The following JPH3 variants were observed in gnomAD, a reference collection of about 807,000 sequenced individuals.
The protein encoded by JPH3 is junctophilin 3.
Under a neutral mutation model 59.6 loss-of-function variants are expected in JPH3, and 11 were observed. That is an observed-to-expected ratio of 0.18 (90% CI 0.12 to 0.31). The LOEUF is 0.31. JPH3 is among the 10% of genes least tolerant of loss of function. The probability of loss-of-function intolerance (pLI) is 1.00; values close to 1 mark genes in which losing one functional copy is unlikely to be tolerated. For synonymous variants in JPH3, 673 were observed against 483.6 expected (o/e 1.39, Z -5.14); for missense variants, 1,202 against 1,105.7 (o/e 1.09, Z -1.24).
At chr16:87,692,900 C>G (rs907279659) in intron 4 of JPH3, among the ~76,000 whole-genome samples, 1 of 152,216 alleles carries the variant, frequency 6.6e-6, no homozygotes, top group Admixed American at 6.5e-5. Flanking sequence ...GTGCCACTGA[C>G]CACCCCACTC....
At chr16:87,689,500 C>CCCCT (rs79340795) in intron 3 of JPH3, 146 bp from the exon 4 acceptor site, 140,770 of 847,538 alleles carry the variant, frequency 0.17, 13,702 homozygotes, top group East Asian at 0.3. Context: ...GGTCCCCACT[C>CCCCT]CCCTCCCTTG....
intron 1 of JPH3, among the ~76,000 whole-genome samples, chr16:87,606,188 G>C (rs1243023172): frequency 6.6e-6 from 1 of 152,218 alleles, no homozygotes; most frequent in East Asian, 1.9e-4. Flanking sequence ...TCGCAGTGAG[G>C]AAGGAGTTAA....
At position 87,695,208 on chromosome 16, in the gene JPH3, T is replaced by A. The variant is rs553221453; in HGVS notation, c.2167-1372T>A. 14 of 419,250 alleles carry A rather than the reference T, an allele frequency of 3.3e-5. 2 individuals are homozygous for A. The highest frequency in any genetic ancestry group is 2.8e-4 in the African/African-American group (14 of 49,520). The allele number at this position is 419,250 out of a possible 1,614,324, so 26.0% of individuals were successfully genotyped here. On this transcript the variant is annotated intron_variant, in intron 4 of 4. Transcript: ENST00000284262. ...CGGGCTCCCCTCCTTAATGCAGGCC[T>A]GAGCAGCCCTCACCTGGTGCCACAT... is the stretch of plus-strand genomic sequence containing the variant.
chr16:87,608,649 C>T (rs1263147022), intron 1 of JPH3, among the ~76,000 whole-genome samples: 1 of 152,206 alleles, frequency 6.6e-6, no homozygotes, highest in Non-Finnish European at 1.5e-5. Context: ...GCTGGACTCA[C>T]TTTCGCTCTA....
At chr16:87,669,656 G>T (rs1263272014) in intron 2 of JPH3, among the ~76,000 whole-genome samples, 3 of 152,206 alleles carry the variant, frequency 2.0e-5, no homozygotes, top group East Asian at 3.9e-4. Flanking sequence ...CCTGGCGTGT[G>T]GGGTGGAGGC....
intron 2 of JPH3, among the ~76,000 whole-genome samples, chr16:87,678,368 G>A (rs2033202239): frequency 1.3e-5 from 2 of 152,102 alleles, no homozygotes; most frequent in African/African-American, 4.8e-5. Context: ...ACAAAACCCT[G>A]TCTCTACTAA....
chr16:87,651,970 T>C (rs1171309198), intron 2 of JPH3, among the ~76,000 whole-genome samples: 1 of 147,860 alleles, frequency 6.8e-6, no homozygotes, highest in Non-Finnish European at 1.5e-5. Flanking sequence ...AACATTGTTG[T>C]CGTTTTTTTT....
intron 1 of JPH3, among the ~76,000 whole-genome samples, chr16:87,629,713 C>T (rs1567588883): frequency 1.3e-5 from 2 of 151,738 alleles, no homozygotes; most frequent in South Asian, 2.1e-4. Flanking sequence ...AGGCGGAGCC[C>T]GGGGGATTTG....
rs530460864 is a variant in JPH3, at chr16:87,694,848, C to T, written c.2167-1732C>T. On this transcript the variant is annotated intron_variant, in intron 4 of 4. Coordinates refer to ENST00000284262, the MANE Select transcript of JPH3 (RefSeq NM_020655.4). The stretch of plus-strand genomic sequence containing the variant: ...TCCCCCAGCTCCCGGACTCTGCTTT[C>T]TGCCTGGTGCCCAGCTTCTCACGCA... 15 of 187,850 alleles carry T rather than the reference C, an allele frequency of 8.0e-5. No homozygotes were observed. The South Asian group carries it at 1.6e-3, about 20-fold the overall frequency. The allele number at this position is 187,850 out of a possible 1,614,324, so 11.6% of individuals were successfully genotyped here.
chr16:87,607,289 C>T (rs951718285), intron 1 of JPH3, among the ~76,000 whole-genome samples: 1 of 152,134 alleles, frequency 6.6e-6, no homozygotes, highest in African/African-American at 2.4e-5. Context: ...CGAAAGTTAC[C>T]CCCTCCAATA....
chr16:87,632,126 G>A (rs541531064), intron 1 of JPH3, among the ~76,000 whole-genome samples: 50 of 152,242 alleles, frequency 3.3e-4, no homozygotes, highest in Admixed American at 2.0e-4. Flanking sequence ...GGCAGCCTTC[G>A]CTTCTGGCTA....
At chr16:87,613,688 C>G (rs938182449) in intron 1 of JPH3, among the ~76,000 whole-genome samples, 3 of 152,146 alleles carry the variant, frequency 2.0e-5, no homozygotes, top group Non-Finnish European at 4.4e-5. Context: ...GAACCTGAAG[C>G]TATAGAGGGC....
Position 87,685,334 on chromosome 16 carries a change from C to A in JPH3, c.1285+1068C>A, listed in dbSNP as rs1440298106. Among the ~76,000 whole-genome samples the A allele has an allele frequency of 2.0e-5, 3 of 152,240 alleles. No homozygotes were observed. In the East Asian group the frequency reaches 5.8e-4, roughly 29 times the overall value. On this transcript the variant is annotated intron_variant, in intron 3 of 4. Coordinates refer to ENST00000284262, the MANE Select transcript of JPH3 (RefSeq NM_020655.4). ...TGGGCAGCTTCTATTCCACTGCGTC[C>A]CCTCCACTCTCCTGGCCCCTCCAGA...
In JPH3 at chr16:87,680,644, C is replaced by G. The variant is rs550997037; in HGVS notation, c.1161-3498C>G. Among the ~76,000 whole-genome samples, 30 of 152,170 alleles carry G rather than the reference C, an allele frequency of 2.0e-4. No individual in the cohort carries two copies. In the South Asian group the frequency reaches 6.0e-3, roughly 31 times the overall value. ...AGCTCAGATGCCCTCCCTGCCTGTG[C>G]CACCGTGGCCTGACCCTCCACAGGT... On this transcript the variant is annotated intron_variant, in intron 2 of 4. Coordinates refer to ENST00000284262, the MANE Select transcript of JPH3 (RefSeq NM_020655.4).
At chr16:87,645,287 A>G (rs2032108818) in intron 2 of JPH3, among the ~76,000 whole-genome samples, 1 of 152,162 alleles carries the variant, frequency 6.6e-6, no homozygotes, top group African/African-American at 2.4e-5. Context: ...CCTTAAACTG[A>G]GCAGTGTCTC....
In JPH3 at chr16:87,690,227, A is replaced by G. The variant is rs1337472821; in HGVS notation, c.1867A>G (p.Thr623Ala). 1 of 1,604,584 alleles carries G rather than the reference A, an allele frequency of 6.2e-7. No homozygotes were observed. ...GATGAAACCCTTGCTGAGGATGGAG[A>G]CGCATCCCCAGAAAAGACGCTACAG... ...MEMKPLLRMETHPQKRRYSKG... is the reference protein window; with the variant it reads ...MEMKPLLRMEAHPQKRRYSKG... Residue 623 changes from threonine to alanine, a missense_variant, in exon 4 of 5, where the codon ACG (threonine) becomes GCG (alanine). Transcript: ENST00000284262.
intron 1 of JPH3, chr16:87,604,504 C>T: frequency 3.8e-6 from 5 of 1,309,770 alleles, no homozygotes; most frequent in South Asian, 2.8e-5. Flanking sequence ...GGGAGCTTAT[C>T]CTCAGAGGCA....
rs1038089869 is a variant in JPH3, at chr16:87,697,848, C to CATCA, written c.*1189_*1192dup. The CATCA allele has an allele frequency of 6.6e-6, 1 of 152,366 alleles. No homozygotes were observed. The highest frequency in any genetic ancestry group is 2.1e-4 in the South Asian group (1 of 4,832). 9.4% of individuals were successfully genotyped at this position (152,366 alleles called of 1,614,324 possible). On this transcript the variant is annotated 3_prime_UTR_variant, in exon 5 of 5. Transcript: ENST00000284262. Reference sequence around the variant, plus strand: ...TCTGCCTTCTCCACCAGGGTCGCTCCATCACCCAAACAAAAGAACAAGGTT... The same window carrying CATCA: ...TCTGCCTTCTCCACCAGGGTCGCTCCATCAATCACCCAAACAAAAGAACAAGGTT...
chr16:87,680,916 G>C (rs985202585), intron 2 of JPH3, among the ~76,000 whole-genome samples: 1 of 152,174 alleles, frequency 6.6e-6, no homozygotes, highest in African/African-American at 2.4e-5. Context: ...ACTAAGCAAA[G>C]ATGTGGGAAC....
Sources: allele counts gnomAD v4.1 joint callset (sites outside exome capture counted in the v4.1 genomes callset), GRCh38; gene constraint gnomAD v4.1.1; transcripts MANE v1.5; gene names NCBI Gene and HGNC (gene_info 2026-07-23, HGNC 2026-07-21).